Variants in GRIN2B observed in about 807,000 individuals in gnomAD.
GRIN2B encodes the protein glutamate ionotropic receptor NMDA type subunit 2B.
GRIN2B carries 5 observed loss-of-function variants against 114.5 expected under a neutral mutation model. That is an observed-to-expected ratio of 0.04 (90% CI 0.02 to 0.09). GRIN2B has a LOEUF of 0.09. Among genes scored for constraint, GRIN2B ranks in the 10% least tolerant of loss-of-function variants. The probability of loss-of-function intolerance (pLI) is 1.00; values close to 1 mark genes in which losing one functional copy is unlikely to be tolerated. For synonymous variants in GRIN2B, 787 were observed against 745.1 expected (o/e 1.06, Z -0.92); for missense variants, 1,108 against 1,943.5 (o/e 0.57, Z 8.08).
In GRIN2B at chr12:13,547,173, A is replaced by T. The variant is rs1565444325; in HGVS notation, c.*15610T>A. 6.6e-6 allele frequency: 1 copy of T among 152,118 alleles called. No individual in the cohort carries two copies. The highest frequency in any genetic ancestry group is 1.5e-5 in the Non-Finnish European group (1 of 67,966). 9.4% of individuals were successfully genotyped at this position (152,118 alleles called of 1,614,324 possible). A position where few individuals can be genotyped will look rare whatever the true frequency, so the allele number is the denominator to read the frequency against. ...AGGAAAGTCGGGGAGGGGAGCCAAA[A>T]ACATGAAGGGGAACCAGGAGAGCTG... is the stretch of plus-strand genomic sequence containing the variant. On this transcript the variant is annotated 3_prime_UTR_variant, in exon 14 of 14. Coordinates refer to ENST00000609686, the MANE Select transcript of GRIN2B (RefSeq NM_000834.5).
intron 9 of GRIN2B, among the ~76,000 whole-genome samples, chr12:13,609,465 G>A (rs1457364835): frequency 6.6e-6 from 1 of 152,072 alleles, no homozygotes; most frequent in East Asian, 1.9e-4. Flanking sequence ...TCCTGTCATA[G>A]AAGCTTGCGT....
intron 3 of GRIN2B, among the ~76,000 whole-genome samples, chr12:13,835,066 C>T (rs372213585): frequency 2.2e-4 from 34 of 152,310 alleles, no homozygotes; most frequent in South Asian, 4.1e-4. Context: ...AGAGTTAAAT[C>T]GGTCTTGCTT....
intron 10 of GRIN2B, among the ~76,000 whole-genome samples, chr12:13,591,950 T>G (rs1323072300): frequency 6.6e-6 from 1 of 152,170 alleles, no homozygotes; most frequent in Non-Finnish European, 1.5e-5. Flanking sequence ...AGAGCAGAAC[T>G]TTTGTGTTAA....
chr12:13,885,655 C>T lies in GRIN2B; in HGVS notation c.-18-19429G>A, dbSNP rs190528755. ...GCACTGGTAACAAGATCTACAGGAG[C>T]GCTTAACAAGGCTTTTATGTATTGG... On this transcript the variant is annotated intron_variant, in intron 2 of 13. Coordinates refer to ENST00000609686, the MANE Select transcript of GRIN2B (RefSeq NM_000834.5). 9.9e-5 allele frequency among the ~76,000 whole-genome samples: 15 copies of T among 152,214 alleles called. No individual in the cohort carries two copies. In the East Asian group the frequency reaches 1.9e-3, roughly 20 times the overall value.
chr12:13,639,826 T>C (rs1313072466), intron 5 of GRIN2B, among the ~76,000 whole-genome samples: 2 of 152,144 alleles, frequency 1.3e-5, no homozygotes, highest in Non-Finnish European at 1.5e-5. Context: ...TCTACTCATT[T>C]TCTTTTTCAT....
intron 2 of GRIN2B, among the ~76,000 whole-genome samples, chr12:13,928,867 T>C (rs528964616): frequency 1.4e-4 from 21 of 152,358 alleles, no homozygotes; most frequent in Non-Finnish European, 3.1e-4. Context: ...ACACATCAGG[T>C]ACTGTCCCAG....
chr12:13,791,400 CGA>C (rs1447133242), intron 3 of GRIN2B, among the ~76,000 whole-genome samples: 76 of 148,282 alleles, frequency 5.1e-4, no homozygotes, highest in Non-Finnish European at 2.5e-4. Context: ...TGCAGTGAGC[CGA>C]GATTGCGCCA....
chr12:13,751,795 A>G (rs1052957164), intron 4 of GRIN2B, among the ~76,000 whole-genome samples: 1 of 152,182 alleles, frequency 6.6e-6, no homozygotes, highest in African/African-American at 2.4e-5. Flanking sequence ...GAAAATATAC[A>G]GACATTAATT....
intron 5 of GRIN2B, among the ~76,000 whole-genome samples, chr12:13,674,845 T>C (rs987870503): frequency 1.3e-5 from 2 of 152,156 alleles, no homozygotes; most frequent in African/African-American, 4.8e-5. Context: ...AAGACACCTC[T>C]GAACTTCCAA....
intron 2 of GRIN2B, among the ~76,000 whole-genome samples, chr12:13,968,369 A>G (rs1022143217): frequency 1.3e-5 from 2 of 152,210 alleles, no homozygotes; most frequent in Middle Eastern, 3.2e-3. Flanking sequence ...TCAGTCCACA[A>G]AACGACATCT....
chr12:13,586,021 G>A (rs1948918334), intron 10 of GRIN2B, among the ~76,000 whole-genome samples: 1 of 152,164 alleles, frequency 6.6e-6, no homozygotes, highest in African/African-American at 2.4e-5. Context: ...TTATTATAAG[G>A]TGACTGCTAC....
chr12:13,835,526 G>T (rs758104687), intron 3 of GRIN2B, among the ~76,000 whole-genome samples: 1 of 151,892 alleles, frequency 6.6e-6, no homozygotes, highest in East Asian at 1.9e-4. Context: ...AAAAAAACAG[G>T]CATCAGGAGA....
intron 2 of GRIN2B, among the ~76,000 whole-genome samples, chr12:13,932,804 G>T (rs1867057369): frequency 2.0e-5 from 3 of 152,174 alleles, no homozygotes; most frequent in Admixed American, 2.0e-4. Context: ...GTAGGAAGCA[G>T]CCAACCCTTA....
Position 13,554,992 on chromosome 12 carries a change from A to G in GRIN2B, c.*7791T>C, listed in dbSNP as rs1948461391. 1 of 152,172 alleles carries G rather than the reference A, an allele frequency of 6.6e-6. No homozygotes were observed. 9.4% of individuals were successfully genotyped at this position (152,172 alleles called of 1,614,324 possible). Reference sequence around the variant, plus strand: ...TGACTGGAAGTATGTGTATGAAGGAAAAGCAAAAGGTAGGGGCTAAAAGTG... The same window carrying G: ...TGACTGGAAGTATGTGTATGAAGGAGAAGCAAAAGGTAGGGGCTAAAAGTG... On this transcript the variant is annotated 3_prime_UTR_variant, in exon 14 of 14. Transcript: ENST00000609686.
At position 13,549,391 on chromosome 12, in the gene GRIN2B, A is replaced by G. The variant is rs1484838135; in HGVS notation, c.*13392T>C. The G allele has an allele frequency of 6.6e-6, 1 of 152,150 alleles. No homozygotes were observed. Among genetic ancestry groups the G allele is most frequent in the Non-Finnish European group, 1.5e-5 (1 of 68,034 alleles). The allele number at this position is 152,150 out of a possible 1,614,324, so 9.4% of individuals were successfully genotyped here. ...CTATAGGTTCTTTCTTCAAGAATTC[A>G]TTGTGTATGTGAACTGCCTTATATT... On this transcript the variant is annotated 3_prime_UTR_variant, in exon 14 of 14. Coordinates refer to ENST00000609686, the MANE Select transcript of GRIN2B (RefSeq NM_000834.5).
rs1017693788 is a variant in GRIN2B, at chr12:13,898,317, C to T, written c.-18-32091G>A. Among the ~76,000 whole-genome samples the T allele has an allele frequency of 3.7e-4, 57 of 152,126 alleles. 1 individual carries two copies. The highest frequency in any genetic ancestry group is 2.6e-4 in the Admixed American group (4 of 15,266). ...CATTTATTGAGTATTTAAGTATGTG[C>T]CAGCCACTATGCTGTGTGATTTACA... On this transcript the variant is annotated intron_variant, in intron 2 of 13. Coordinates refer to ENST00000609686, the MANE Select transcript of GRIN2B (RefSeq NM_000834.5).
chr12:13,892,251 G>A (rs968919979), intron 2 of GRIN2B, among the ~76,000 whole-genome samples: 14 of 152,100 alleles, frequency 9.2e-5, no homozygotes, highest in African/African-American at 3.1e-4. Context: ...TTTTCATTCA[G>A]GGCCATAATG....
At position 13,972,168 on chromosome 12, in the gene GRIN2B, T is replaced by G. The variant is rs532261344; in HGVS notation, c.-19+7760A>C. On this transcript the variant is annotated intron_variant, in intron 2 of 13. Transcript: ENST00000609686. ...TGAATCCCTCCCTGAGAGATTTCAA[T>G]TTAACTCTTTGGGGTAGGGTCTGAG... Among the ~76,000 whole-genome samples, 8 of 152,346 alleles carry G rather than the reference T, an allele frequency of 5.3e-5. No individual in the cohort carries two copies. In the South Asian group the frequency reaches 1.7e-3, roughly 32 times the overall value.
chr12:13,841,934 T>A (rs1458447876), intron 3 of GRIN2B, among the ~76,000 whole-genome samples: 1 of 152,170 alleles, frequency 6.6e-6, no homozygotes, highest in Non-Finnish European at 1.5e-5. Flanking sequence ...TAACAATTCA[T>A]CGTGCTACAT....
Sources: allele counts gnomAD v4.1 joint callset (sites outside exome capture counted in the v4.1 genomes callset), GRCh38; gene constraint gnomAD v4.1.1; transcripts MANE v1.5; gene names NCBI Gene and HGNC (gene_info 2026-07-23, HGNC 2026-07-21).